TAFA1: variants seen among roughly 807,000 people sequenced by gnomAD.
TAFA1 encodes the protein chemokine-like protein TAFA-1.
TAFA1 carries 4 observed loss-of-function variants against 18.5 expected under a neutral mutation model. The ratio of observed to expected loss-of-function variants is 0.22; its 90% CI spans 0.11 to 0.49. The LOEUF is 0.49. Among genes scored for constraint, TAFA1 ranks in the 20% least tolerant of loss-of-function variants. TAFA1 has a pLI of 0.98. For missense variants in TAFA1, 147 were observed against 169.0 expected, an observed-to-expected ratio of 0.87 and a Z score of 0.72; for synonymous variants, 56 against 55.2, an observed-to-expected ratio of 1.01 and a Z score of -0.06.
At chr3:68,192,264 T>C (rs1159176598) in intron 2 of TAFA1, 1 of 151,802 alleles carries the variant, frequency 6.6e-6, no homozygotes, top group East Asian at 1.9e-4. Context: ...TGAGGTCTTT[T>C]CCCCTCTCTT....
At chr3:68,275,684 G>A (rs1332749351) in intron 2 of TAFA1, among the ~76,000 whole-genome samples, 5 of 151,964 alleles carry the variant, frequency 3.3e-5, no homozygotes. Context: ...GACCTGAATG[G>A]GACAAAAGGG....
intron 2 of TAFA1, among the ~76,000 whole-genome samples, chr3:68,300,849 A>T (rs1203792879): frequency 6.6e-5 from 10 of 152,166 alleles, no homozygotes; most frequent in Admixed American, 5.9e-4. Flanking sequence ...CCACCTTGTG[A>T]AAAAGGTGCC....
chr3:68,023,241 TGCATAC>T (rs1704737586), intron 2 of TAFA1, among the ~76,000 whole-genome samples: 1 of 152,172 alleles, frequency 6.6e-6, no homozygotes, highest in East Asian at 1.9e-4. Flanking sequence ...CATATCTTTA[TGCATAC>T]TTCTTTCTTG....
chr3:68,483,651 G>C (rs567096871), intron 3 of TAFA1, among the ~76,000 whole-genome samples: 3 of 152,324 alleles, frequency 2.0e-5, no homozygotes, highest in African/African-American at 7.2e-5. Context: ...GGAAGAGTCA[G>C]GGGTTTATTT....
intron 3 of TAFA1, among the ~76,000 whole-genome samples, chr3:68,530,545 G>C (rs752314616): frequency 1.3e-5 from 2 of 152,126 alleles, no homozygotes; most frequent in Admixed American, 6.6e-5. Flanking sequence ...TAGAACCCCA[G>C]GGTTAAAAGG....
At chr3:68,511,332 C>T (rs2072843027) in intron 3 of TAFA1, among the ~76,000 whole-genome samples, 1 of 152,054 alleles carries the variant, frequency 6.6e-6, no homozygotes, top group Non-Finnish European at 1.5e-5. Flanking sequence ...GACGTAGTTG[C>T]CATAAGTGTT....
At chr3:68,036,099 T>TA (rs958304443) in intron 2 of TAFA1, among the ~76,000 whole-genome samples, 3 of 152,280 alleles carry the variant, frequency 2.0e-5, no homozygotes, top group Admixed American at 1.3e-4. Flanking sequence ...TGGCTGTAGT[T>TA]ACATGGCTGT....
chr3:68,319,575 G>A (rs1340439124), intron 2 of TAFA1, among the ~76,000 whole-genome samples: 1 of 152,162 alleles, frequency 6.6e-6, no homozygotes, highest in African/African-American at 2.4e-5. Flanking sequence ...CTCAAGTTTT[G>A]TCCAATGTTG....
At chr3:68,539,402 C>T (rs1020403861) in intron 4 of TAFA1, among the ~76,000 whole-genome samples, 5 of 151,798 alleles carry the variant, frequency 3.3e-5, no homozygotes, top group Non-Finnish European at 5.9e-5. Context: ...AAATAACAAT[C>T]TTCAGGGTGG....
In TAFA1 at chr3:68,021,692, G is replaced by A. The variant is rs1243705808; in HGVS notation, c.118+14948G>A. Among the ~76,000 whole-genome samples, 14 of 152,178 alleles carry A rather than the reference G, an allele frequency of 9.2e-5. No individual in the cohort carries two copies. In the East Asian group the frequency reaches 2.7e-3, roughly 29 times the overall value. ...TGTGTACTATTTTGAGCTCTAGCAA[G>A]AAAGAAAAGAAGAAGGAAAAAAAGA... is the stretch of plus-strand genomic sequence containing the variant. On this transcript the variant is annotated intron_variant, in intron 2 of 4. Transcript: ENST00000478136.
intron 2 of TAFA1, among the ~76,000 whole-genome samples, chr3:68,053,325 C>A (rs920442372): frequency 6.6e-6 from 1 of 152,046 alleles, no homozygotes; most frequent in Admixed American, 6.6e-5. Flanking sequence ...ATTTTACTCC[C>A]CATAGGTTGC....
chr3:68,344,909 G>T lies in TAFA1; in HGVS notation c.119-72371G>T, dbSNP rs932306435. On this transcript the variant is annotated intron_variant, in intron 2 of 4. Transcript: ENST00000478136. ...TACCAGCCAACTAACAGCTAGCACA[G>T]AATATCCAACACCGGAAATTATGCT... Among the ~76,000 whole-genome samples, 6 of 151,958 alleles carry T rather than the reference G, an allele frequency of 3.9e-5. No homozygotes were observed. In the East Asian group the frequency reaches 5.8e-4, roughly 15 times the overall value.
chr3:68,105,778 TG>T (rs1198966820), intron 2 of TAFA1, among the ~76,000 whole-genome samples: 1 of 152,196 alleles, frequency 6.6e-6, no homozygotes, highest in African/African-American at 2.4e-5. Context: ...GATACAGTGA[TG>T]TTTTCCTACC....
chr3:68,047,623 A>G (rs1281934161), intron 2 of TAFA1, among the ~76,000 whole-genome samples: 3 of 152,146 alleles, frequency 2.0e-5, no homozygotes, highest in Non-Finnish European at 4.4e-5. Context: ...CTATTTGGCT[A>G]TAAGGAATAG....
chr3:68,125,771 G>A (rs1207438718), intron 2 of TAFA1, among the ~76,000 whole-genome samples: 2 of 152,126 alleles, frequency 1.3e-5, no homozygotes, highest in Non-Finnish European at 1.5e-5. Flanking sequence ...TATACATATA[G>A]TGCCTGCCTC....
chr3:68,290,371 A>G (rs2068084929), intron 2 of TAFA1, among the ~76,000 whole-genome samples: 2 of 152,168 alleles, frequency 1.3e-5, no homozygotes, highest in African/African-American at 4.8e-5. Flanking sequence ...ACAAACAGTA[A>G]TCATTATTCT....
intron 2 of TAFA1, among the ~76,000 whole-genome samples, chr3:68,086,283 G>C (rs1336509094): frequency 1.3e-5 from 2 of 152,212 alleles, no homozygotes; most frequent in Admixed American, 1.3e-4. Context: ...CCAGGAAAGT[G>C]TCTAACCAGG....
chr3:68,446,338 C>T (rs2106882383), intron 3 of TAFA1, among the ~76,000 whole-genome samples: 1 of 152,152 alleles, frequency 6.6e-6, no homozygotes, highest in East Asian at 1.9e-4. Context: ...GTCAAAAATA[C>T]TTAATATCTG....
At chr3:68,107,679 C>G (rs941171551) in intron 2 of TAFA1, among the ~76,000 whole-genome samples, 3 of 152,042 alleles carry the variant, frequency 2.0e-5, no homozygotes, top group Non-Finnish European at 4.4e-5. Context: ...AGAGATATGT[C>G]ATATCTTTTA....
Sources: gnomAD v4.1 joint callset for allele counts (sites outside exome capture counted in the v4.1 genomes callset) on GRCh38, gnomAD v4.1.1 for gene constraint, MANE v1.5 for transcripts, NCBI Gene and HGNC (gene_info 2026-07-23, HGNC 2026-07-21) for gene names.